KLHL6: variants seen among roughly 807,000 people sequenced by gnomAD.
KLHL6 encodes the protein kelch like family member 6.
KLHL6 carries 41 observed loss-of-function variants against 58.6 expected under a neutral mutation model. That is an observed-to-expected ratio of 0.70 (90% CI 0.55 to 0.91). The LOEUF (loss-of-function observed/expected upper bound fraction) is 0.91. KLHL6 is among the 40% of genes least tolerant of loss of function. KLHL6 has a pLI of 0.00. For synonymous variants in KLHL6, 338 were observed against 322.7 expected, an observed-to-expected ratio of 1.05 and a Z score of -0.51; for missense variants, 714 against 805.6, an observed-to-expected ratio of 0.89 and a Z score of 1.38.
intron 2 of KLHL6, among the ~76,000 whole-genome samples, chr3:183,512,100 A>G (rs1434169240): frequency 6.6e-6 from 1 of 152,246 alleles, no homozygotes; most frequent in African/African-American, 2.4e-5. Flanking sequence ...AAAATATGCA[A>G]CAAAGACCAA....
At chr3:183,524,806 G>A (rs938780645) in intron 2 of KLHL6, among the ~76,000 whole-genome samples, 1 of 152,208 alleles carries the variant, frequency 6.6e-6, no homozygotes, top group Non-Finnish European at 1.5e-5. Context: ...TCTGATTCCT[G>A]TTCATTTCAG....
chr3:183,512,242 G>A (rs1353834699), intron 2 of KLHL6, among the ~76,000 whole-genome samples: 1 of 152,116 alleles, frequency 6.6e-6, no homozygotes, highest in Admixed American at 6.5e-5. Flanking sequence ...CCATGCCAGC[G>A]TTTGCGTGAG....
At chr3:183,545,330 T>C (rs575501136) in intron 1 of KLHL6, among the ~76,000 whole-genome samples, 19 of 152,244 alleles carry the variant, frequency 1.2e-4, no homozygotes, top group Non-Finnish European at 1.8e-4. Flanking sequence ...TGGCCAGCTC[T>C]TTTCGTGGAC....
chr3:183,539,128 G>T (rs1419422556), intron 1 of KLHL6, among the ~76,000 whole-genome samples: 1 of 152,158 alleles, frequency 6.6e-6, no homozygotes, highest in South Asian at 2.1e-4. Flanking sequence ...CCTAGAAAGA[G>T]GTCACCCCTA....
At chr3:183,551,648 C>G (rs997364651) in intron 1 of KLHL6, among the ~76,000 whole-genome samples, 6 of 152,062 alleles carry the variant, frequency 3.9e-5, no homozygotes, top group Non-Finnish European at 8.8e-5. Flanking sequence ...ATACTAAATC[C>G]TTATTTGAAA....
At chr3:183,511,604 G>C (rs1718187242) in intron 2 of KLHL6, among the ~76,000 whole-genome samples, 2 of 152,296 alleles carry the variant, frequency 1.3e-5, no homozygotes, top group South Asian at 4.1e-4. Context: ...GGCTTTCCAG[G>C]GCAGAGGTCC....
intron 1 of KLHL6, among the ~76,000 whole-genome samples, chr3:183,529,513 A>G (rs113339620): frequency 0.015 from 2,274 of 152,256 alleles, 53 homozygotes; most frequent in African/African-American, 0.052. Flanking sequence ...CTTATATGGT[A>G]CCTAAAATAT....
At chr3:183,536,209 G>C (rs866240120) in intron 1 of KLHL6, among the ~76,000 whole-genome samples, 24 of 152,206 alleles carry the variant, frequency 1.6e-4, no homozygotes, top group South Asian at 4.1e-4. Flanking sequence ...GCAAGACAAG[G>C]GGGGGAGGAA....
intron 2 of KLHL6, among the ~76,000 whole-genome samples, chr3:183,516,459 G>T (rs1173305062): frequency 2.0e-5 from 3 of 152,218 alleles, no homozygotes; most frequent in Non-Finnish European, 4.4e-5. Context: ...TGTTTGGGGG[G>T]ACATGTGAGC....
In KLHL6 at chr3:183,499,553, C is replaced by T. The variant is rs1406205065; in HGVS notation, c.1147+37G>A. 1.4e-6 allele frequency: 2 copies of T among 1,428,832 alleles called. No homozygotes were observed. Among genetic ancestry groups the T allele is most frequent in the African/African-American group, 2.8e-5 (2 of 70,788 alleles). The allele number at this position is 1,428,832 out of a possible 1,614,324, so 88.5% of individuals were successfully genotyped here. On this transcript the variant is annotated intron_variant, in intron 4 of 6. Transcript: ENST00000341319. This position sits in a 1 kb window ranked among gnomAD's most constrained non-coding sequence, Gnocchi z 4.6. ...CCACTCAGGAATATATGTAGTGCTA[C>T]TGGAGCTTGCTTTGCCTTTACATGA...
At chr3:183,554,359 G>C (rs1273748063) in intron 1 of KLHL6, among the ~76,000 whole-genome samples, 1 of 152,192 alleles carries the variant, frequency 6.6e-6, no homozygotes, top group African/African-American at 2.4e-5. Context: ...ACACTGTGTA[G>C]GACCCTTTTC....
intron 1 of KLHL6, among the ~76,000 whole-genome samples, chr3:183,546,534 G>A (rs1048285761): frequency 3.3e-5 from 5 of 152,120 alleles, no homozygotes; most frequent in Admixed American, 1.3e-4. Context: ...TTCGGGCTGC[G>A]GTCCTGGCCC....
chr3:183,517,576 G>A (rs1405210751), intron 2 of KLHL6, among the ~76,000 whole-genome samples: 1 of 152,206 alleles, frequency 6.6e-6, no homozygotes, highest in African/African-American at 2.4e-5. Context: ...ACTAAGGCAG[G>A]GCAGGTGTTG....
chr3:183,519,913 A>G (rs1160094644), intron 2 of KLHL6, among the ~76,000 whole-genome samples: 2 of 151,040 alleles, frequency 1.3e-5, no homozygotes, highest in Non-Finnish European at 2.9e-5. Flanking sequence ...AAAAAAAAAA[A>G]AAAACAAGAA....
chr3:183,509,053 T>A (rs762828470), intron 2 of KLHL6, among the ~76,000 whole-genome samples: 21 of 152,202 alleles, frequency 1.4e-4, no homozygotes, highest in Non-Finnish European at 2.8e-4. Context: ...TGGAAAACTC[T>A]ACTGAACAAC....
Position 183,487,824 on chromosome 3 carries a change from G to A in KLHL6, c.*4103C>T, listed in dbSNP as rs1288947873. ...TTATGAGATCTAATACAACACCCAG[G>A]TATTAAGGGAAAAAATGATTTTGCA... On this transcript the variant is annotated 3_prime_UTR_variant, in exon 7 of 7. Coordinates refer to ENST00000341319, the MANE Select transcript of KLHL6 (RefSeq NM_130446.4). 6.6e-6 allele frequency: 1 copy of A among 152,156 alleles called. No homozygotes were observed. The highest frequency in any genetic ancestry group is 1.5e-5 in the Non-Finnish European group (1 of 68,030). 9.4% of individuals were successfully genotyped at this position (152,156 alleles called of 1,614,324 possible).
chr3:183,489,913 C>T lies in KLHL6; in HGVS notation c.*2014G>A, dbSNP rs1308253009. ...ATTCACTATCAACTCTAATAACTAA[C>T]TTCCCAAACTGCTGAAAAGAACAAG... On this transcript the variant is annotated 3_prime_UTR_variant, in exon 7 of 7. Coordinates refer to ENST00000341319, the MANE Select transcript of KLHL6 (RefSeq NM_130446.4). 2 of 152,210 alleles carry T rather than the reference C, an allele frequency of 1.3e-5. No homozygotes were observed. Among genetic ancestry groups the T allele is most frequent in the South Asian group, 2.1e-4 (1 of 4,832 alleles). 9.4% of individuals were successfully genotyped at this position (152,210 alleles called of 1,614,324 possible).
At chr3:183,516,534 C>T (rs934094285) in intron 2 of KLHL6, among the ~76,000 whole-genome samples, 7 of 152,238 alleles carry the variant, frequency 4.6e-5, no homozygotes, top group African/African-American at 1.4e-4. Context: ...AAAGAAACCA[C>T]TTGAGACGTG....
At chr3:183,523,254 C>A (rs537850453) in intron 2 of KLHL6, 1 of 152,280 alleles carries the variant, frequency 6.6e-6, no homozygotes. Flanking sequence ...AAGGAGCCAA[C>A]CCAGGCCATC....
Sources: allele counts gnomAD v4.1 joint callset (sites outside exome capture counted in the v4.1 genomes callset), GRCh38; gene constraint gnomAD v4.1.1; non-coding constraint Gnocchi (gnomAD v3.1); transcripts MANE v1.5; gene names NCBI Gene and HGNC (gene_info 2026-07-23, HGNC 2026-07-21).